Variants in ETV4 observed in about 807,000 individuals in gnomAD.
The protein encoded by ETV4 is ETS variant transcription factor 4, also known as ETS translocation variant 4.
In ETV4, 42 loss-of-function variants were observed where a neutral mutation model predicts 65.9. That is an observed-to-expected ratio of 0.64 (90% CI 0.50 to 0.82). The LOEUF is 0.82. Among genes scored for constraint, ETV4 ranks in the 40% least tolerant of loss-of-function variants. ETV4 has a pLI of 0.00. For missense variants in ETV4, 583 were observed against 630.3 expected (o/e 0.92, Z 0.80); for synonymous variants, 238 against 260.0 (o/e 0.92, Z 0.81).
Position 43,532,690 on chromosome 17 carries a change from G to A in ETV4, c.795C>T (p.Asp265=). Residue 265 remains aspartate, a synonymous_variant, in exon 8 of 13, where the codon GAC becomes GAT. Coordinates refer to ENST00000319349, the MANE Select transcript of ETV4 (RefSeq NM_001079675.5). ...AGVVIKQEQT[D]FAYDSDVTGC... ...GTCTCTTACCTGAGTCGTAGGCGAA[G>A]TCCGTCTGTTCCTGTTTGATCACCA... The A allele has an allele frequency of 6.2e-7, 1 of 1,612,882 alleles. No individual in the cohort carries two copies. The highest frequency in any genetic ancestry group is 8.5e-7 in the Non-Finnish European group (1 of 1,179,208).
chr17:43,529,414 G>C, intron 11 of ETV4, 90 bp downstream of exon 11: 4 of 1,474,756 alleles, frequency 2.7e-6, no homozygotes, highest in Non-Finnish European at 3.7e-6. Context: ...CAAGAATCAT[G>C]ATGGAGGCAC....
chr17:43,540,255 C>T lies in ETV4; in HGVS notation c.203-3776G>A, dbSNP rs149638430. Among the ~76,000 whole-genome samples the T allele has an allele frequency of 7.9e-3, 1,197 of 152,264 alleles. 8 individuals are homozygous for T. Among genetic ancestry groups the T allele is most frequent in the Non-Finnish European group, 0.013 (880 of 68,028 alleles). ...ACGATCTGAGGTCTGGAATTCTACA[C>T]CAGCCTGGCCAATGTGGCGAAACCC... On this transcript the variant is annotated intron_variant, in intron 4 of 12. Coordinates refer to ENST00000319349, the MANE Select transcript of ETV4 (RefSeq NM_001079675.5).
At chr17:43,530,618 G>C (rs1970872878) in intron 8 of ETV4, among the ~76,000 whole-genome samples, 2 of 95,260 alleles carry the variant, frequency 2.1e-5, no homozygotes, top group Non-Finnish European at 5.3e-5. Flanking sequence ...GCGTGTGTGT[G>C]TGTGTGTGTG....
rs1971813327 is a variant in ETV4, at chr17:43,546,232, C to T, written c.-99G>A. The T allele has an allele frequency of 6.5e-6, 1 of 152,788 alleles. No homozygotes were observed. Among genetic ancestry groups the T allele is most frequent in the Non-Finnish European group, 1.5e-5 (1 of 68,626 alleles). The allele number at this position is 152,788 out of a possible 1,614,324, so 9.5% of individuals were successfully genotyped here. A position where few individuals can be genotyped will look rare whatever the true frequency, so the allele number is the denominator to read the frequency against. On this transcript the variant is annotated 5_prime_UTR_variant, in exon 1 of 13. Transcript: ENST00000319349. ...GGAGCCGCGGGGGGTCCCGAGCATG[C>T]CCTGGAGCCCGCACCGAGGGCCGCG...
intron 3 of ETV4, 43 bp downstream of exon 3, chr17:43,545,231 G>GTGTA: frequency 8.2e-7 from 1 of 1,221,110 alleles, no homozygotes; most frequent in Non-Finnish European, 1.2e-6. Context: ...GTGTGTGTGT[G>GTGTA]TGTGGCGGAG....
chr17:43,529,966 T>C lies in ETV4; in HGVS notation c.887-14A>G, dbSNP rs776189308. On this transcript the variant is annotated splice_polypyrimidine_tract_variant and intron_variant, in intron 9 of 12. Transcript: ENST00000319349. Reference sequence around the variant, plus strand: ...CATAGCCATAGCCTTGTGGAGGAAATTGGGGGTTGCTCAGATCTGGGGGTT... The same window carrying C: ...CATAGCCATAGCCTTGTGGAGGAAACTGGGGGTTGCTCAGATCTGGGGGTT... 1.2e-5 allele frequency: 20 copies of C among 1,613,968 alleles called. No homozygotes were observed. The highest frequency in any genetic ancestry group is 1.1e-4 in the South Asian group (10 of 91,068).
chr17:43,544,770 G>T, intron 4 of ETV4: 1 of 543,838 alleles, frequency 1.8e-6, no homozygotes. Flanking sequence ...CTGGCTCAGG[G>T]TAGAGAAAAT....
In ETV4 at chr17:43,545,285, A is replaced by C; in HGVS notation, c.143T>G (p.Leu48Arg). The C allele has an allele frequency of 6.2e-7, 1 of 1,605,616 alleles. No individual in the cohort carries two copies. Among genetic ancestry groups the C allele is most frequent in the Non-Finnish European group, 8.5e-7 (1 of 1,176,770 alleles). The part of the protein sequence containing the change: ...KLMDPGSLPP[L>R]DSEDLFQDLS... ...CTCTTGCTCTTTACCTTCAGAGTCG[A>C]GGGGCGGCAGGGAGCCCGGGTCCAT... Residue 48 changes from leucine (L) to arginine (R), a missense_variant, in exon 3 of 13, where the codon CTC becomes CGC. Transcript: ENST00000319349.
rs775984025 is a variant in ETV4, at chr17:43,528,521, A to G, written c.1453T>C (p.Ter485GlnextTer18). 1 of 1,603,126 alleles carries G rather than the reference A, an allele frequency of 6.2e-7. No individual in the cohort carries two copies. The highest frequency in any genetic ancestry group is 1.3e-5 in the African/African-American group (1 of 74,648). Residue 485 changes from the stop codon to glutamine, a stop_lost, in exon 13 of 13, where the codon TAG (stop) becomes CAG (glutamine). Coordinates refer to ENST00000319349, the MANE Select transcript of ETV4 (RefSeq NM_001079675.5). ...GCAGGGGGAACAGCCGCTGGGGGCT[A>G]GTAAGAGTAGCCACCCTTGGGGCCA... is the stretch of plus-strand genomic sequence containing the variant. The part of the protein sequence containing the change: ...PFGPKGGYSY[*>Q]
intron 8 of ETV4, 160 bp from the exon 9 acceptor site, chr17:43,530,341 A>G: frequency 1.4e-6 from 2 of 1,478,262 alleles, no homozygotes; most frequent in East Asian, 2.5e-5. Context: ...AATCCCAGGG[A>G]AAGTTCACCC....
intron 5 of ETV4, among the ~76,000 whole-genome samples, chr17:43,535,621 G>A (rs112253825): frequency 0.013 from 2,053 of 152,274 alleles, 40 homozygotes; most frequent in African/African-American, 0.047. Flanking sequence ...CTGTGGGCCA[G>A]ATAGTGTTTT....
intron 5 of ETV4, among the ~76,000 whole-genome samples, chr17:43,535,884 G>A (rs1395375136): frequency 6.6e-6 from 1 of 152,202 alleles, no homozygotes; most frequent in East Asian, 1.9e-4. Context: ...AGGCCGAGGT[G>A]GGCGGATCAC....
At chr17:43,540,367 C>T (rs1045314030) in intron 4 of ETV4, among the ~76,000 whole-genome samples, 2 of 152,156 alleles carry the variant, frequency 1.3e-5, no homozygotes, top group Non-Finnish European at 1.5e-5. Context: ...ACAGGAGAAT[C>T]GCTTGAACCC....
chr17:43,545,640 C>G lies in ETV4; in HGVS notation c.-23G>C, dbSNP rs1219496266. ...CATCCGGCCGCTCCCTCCGGCCGCA[C>G]GGCCGGGGCCCCAAGCGGGGGCCGA... is the stretch of plus-strand genomic sequence containing the variant. On this transcript the variant is annotated 5_prime_UTR_variant, in exon 2 of 13. Coordinates refer to ENST00000319349, the MANE Select transcript of ETV4 (RefSeq NM_001079675.5). 1.3e-6 allele frequency: 2 copies of G among 1,548,934 alleles called. No individual in the cohort carries two copies. The highest frequency in any genetic ancestry group is 2.4e-5 in the East Asian group (1 of 40,846).
intron 4 of ETV4, among the ~76,000 whole-genome samples, chr17:43,538,709 G>A (rs1426329115): frequency 1.3e-5 from 2 of 152,140 alleles, no homozygotes; most frequent in African/African-American, 4.8e-5. Context: ...ATCACAGCAG[G>A]AAATGTAGAC....
chr17:43,533,686 T>C (rs1315500975), intron 6 of ETV4, among the ~76,000 whole-genome samples, 173 bp downstream of exon 6: 1 of 152,078 alleles, frequency 6.6e-6, no homozygotes, highest in Non-Finnish European at 1.5e-5. Flanking sequence ...CTCTGCTGCG[T>C]TTTCCGTCTA....
chr17:43,534,096 C>G, intron 5 of ETV4, 111 bp from the exon 6 acceptor site: 1 of 1,183,312 alleles, frequency 8.5e-7, no homozygotes, highest in South Asian at 2.1e-5. Flanking sequence ...GGTACAGCCT[C>G]CTTCCCTCTC....
At chr17:43,545,247 TCGCG>T in intron 3 of ETV4, 23 bp downstream of exon 3, 1 of 1,265,994 alleles carries the variant, frequency 7.9e-7, no homozygotes, top group Non-Finnish European at 1.1e-6. Context: ...CGGAGGAGGG[TCGCG>T]GTTTGTCTCT....
intron 4 of ETV4, 23 bp downstream of exon 4, chr17:43,544,952 G>T: frequency 6.2e-7 from 1 of 1,612,952 alleles, no homozygotes; most frequent in South Asian, 1.1e-5. Context: ...TCCCAAAATA[G>T]AAAAGGTCAC....
Sources: allele counts gnomAD v4.1 joint callset (sites outside exome capture counted in the v4.1 genomes callset), GRCh38; gene constraint gnomAD v4.1.1; transcripts MANE v1.5; gene names NCBI Gene and HGNC (gene_info 2026-07-23, HGNC 2026-07-21).